CLIC5: variants seen among roughly 807,000 people sequenced by gnomAD.
CLIC5 encodes the protein CLIC family member 5.
CLIC5 carries 20 observed loss-of-function variants against 24.7 expected under a neutral mutation model. The ratio of observed to expected loss-of-function variants is 0.81; its 90% confidence interval spans 0.57 to 1.18. The LOEUF (loss-of-function observed/expected upper bound fraction) is 1.18, where lower values mean the gene tolerates loss of function less well. CLIC5 is among the 50% of genes most tolerant of loss of function. The pLI is 0.00. For synonymous variants in CLIC5, 159 were observed against 135.6 expected (o/e 1.17, Z -1.20); for missense variants, 341 against 326.1 (o/e 1.05, Z -0.35).
the CLIC5 span, among the ~76,000 whole-genome samples, chr6:46,102,358 T>C: frequency 3.3e-5 from 5 of 152,184 alleles, no homozygotes; most frequent in Non-Finnish European, 5.9e-5. Flanking sequence ...GTTCCTTCCT[T>C]CTGGGTGTGG....
intron 1 of CLIC5, among the ~76,000 whole-genome samples, chr6:45,998,725 C>T (rs1325030615): frequency 6.6e-6 from 1 of 152,160 alleles, no homozygotes; most frequent in African/African-American, 2.4e-5. Context: ...TCACTGAAGG[C>T]AGCTCCTCCA....
chr6:46,076,524 C>A (rs889894181), intron 1 of CLIC5, among the ~76,000 whole-genome samples: 2 of 152,058 alleles, frequency 1.3e-5, no homozygotes, highest in South Asian at 2.1e-4. Context: ...GTGATGTGGG[C>A]CATGCGCGAG....
intron 4 of CLIC5, 40 bp from the exon 5 acceptor site, chr6:45,914,449 TG>T: frequency 6.6e-7 from 1 of 1,525,844 alleles, no homozygotes; most frequent in Non-Finnish European, 8.9e-7. Context: ...TCAAACTTCT[TG>T]CCAGTGGATA....
At chr6:45,977,062 G>A (rs1765410304) in intron 1 of CLIC5, among the ~76,000 whole-genome samples, 1 of 152,094 alleles carries the variant, frequency 6.6e-6, no homozygotes. Flanking sequence ...AGAAAGTGGT[G>A]TTTAAACTAT....
At chr6:46,083,439 G>T (rs1762964937), upstream of CLIC5, among the ~76,000 whole-genome samples, 1 of 152,174 alleles carries the variant, frequency 6.6e-6, no homozygotes, top group African/African-American at 2.4e-5. Flanking sequence ...TCTACACACT[G>T]CTTTGAATGT....
chr6:46,129,607 T>A, the CLIC5 span: 1 of 152,244 alleles, frequency 6.6e-6, no homozygotes, highest in Admixed American at 6.5e-5. Context: ...GGCTGAAGCT[T>A]CTCCAGACTT....
chr6:46,007,045 T>A (rs987476368), intron 1 of CLIC5, among the ~76,000 whole-genome samples: 8 of 152,148 alleles, frequency 5.3e-5, no homozygotes, highest in African/African-American at 1.9e-4. Flanking sequence ...GGGAACCTCC[T>A]CCGTCACCTG....
Position 45,900,290 on chromosome 6 carries a change from C to T in CLIC5, c.*2798G>A, listed in dbSNP as rs986166287. 1 of 152,164 alleles carries T rather than the reference C, an allele frequency of 6.6e-6. No homozygotes were observed. Among genetic ancestry groups the T allele is most frequent in the Non-Finnish European group, 1.5e-5 (1 of 68,052 alleles). 9.4% of individuals were successfully genotyped at this position (152,164 alleles called of 1,614,324 possible). On this transcript the variant is annotated 3_prime_UTR_variant, in exon 6 of 6. Coordinates refer to ENST00000339561, the MANE Select transcript of CLIC5 (RefSeq NM_016929.5). ...TAAGATCTCAACACAAATACATCCCCTTTCTGTGCCACCAAAATGCTTTCT... is the reference window on the plus strand; with the variant it reads ...TAAGATCTCAACACAAATACATCCCTTTTCTGTGCCACCAAAATGCTTTCT...
chr6:45,993,205 T>C (rs1766005176), intron 1 of CLIC5, among the ~76,000 whole-genome samples: 1 of 152,216 alleles, frequency 6.6e-6, no homozygotes, highest in South Asian at 2.1e-4. Flanking sequence ...AAACATCTAA[T>C]TGTTCATAAG....
intron 5 of CLIC5, chr6:45,911,896 G>C: frequency 2.0e-6 from 2 of 985,556 alleles, no homozygotes; most frequent in Non-Finnish European, 2.4e-6. Context: ...TTTGGGAGAT[G>C]AGAACTAGGA....
At chr6:45,991,279 C>T (rs1004591935) in intron 1 of CLIC5, among the ~76,000 whole-genome samples, 1 of 152,194 alleles carries the variant, frequency 6.6e-6, no homozygotes, top group African/African-American at 2.4e-5. Flanking sequence ...GAGATTCTTG[C>T]TAGTCCTAAA....
the CLIC5 span, among the ~76,000 whole-genome samples, chr6:46,106,666 C>A: frequency 6.6e-6 from 1 of 152,170 alleles, no homozygotes; most frequent in Non-Finnish European, 1.5e-5. Context: ...TTCCTCTAGG[C>A]CCATCTGCAT....
At chr6:45,932,663 T>C (rs116195372) in intron 4 of CLIC5, 2 of 152,108 alleles carry the variant, frequency 1.3e-5, no homozygotes, top group Non-Finnish European at 2.9e-5. Context: ...ACACAAACCA[T>C]GAAAACCTGG....
At chr6:45,959,684 G>T (rs981918096) in intron 1 of CLIC5, among the ~76,000 whole-genome samples, 1 of 152,128 alleles carries the variant, frequency 6.6e-6, no homozygotes, top group African/African-American at 2.4e-5. Context: ...TGGTGTGTCA[G>T]CCAGTTGCTC....
chr6:45,998,378 C>T (rs1766228410), intron 1 of CLIC5, among the ~76,000 whole-genome samples: 1 of 152,058 alleles, frequency 6.6e-6, no homozygotes, highest in African/African-American at 2.4e-5. Flanking sequence ...CAGTAAATAT[C>T]AAGGGAATGA....
At chr6:46,016,192 GAA>G, upstream of CLIC5, among the ~76,000 whole-genome samples, 2 of 121,302 alleles carry the variant, frequency 1.6e-5, no homozygotes, top group African/African-American at 3.1e-5. Flanking sequence ...AGAGGAAGGG[GAA>G]AGGGGAAGGG....
At chr6:45,921,526 T>C (rs1263618096) in intron 4 of CLIC5, among the ~76,000 whole-genome samples, 3 of 152,140 alleles carry the variant, frequency 2.0e-5, no homozygotes, top group Admixed American at 2.0e-4. Context: ...GAGACTTGAT[T>C]AAAGTTAACT....
intron 1 of CLIC5, among the ~76,000 whole-genome samples, chr6:45,986,784 C>G (rs1275576073): frequency 6.6e-6 from 1 of 152,184 alleles, no homozygotes; most frequent in African/African-American, 2.4e-5. Context: ...ATCTCCCCTG[C>G]ATTCCACAAG....
At chr6:45,994,606 C>T (rs1395564168) in intron 1 of CLIC5, among the ~76,000 whole-genome samples, 1 of 151,906 alleles carries the variant, frequency 6.6e-6, no homozygotes, top group South Asian at 2.1e-4. Context: ...TATCCCGGGA[C>T]TTAAAGTAAA....
Sources: allele counts gnomAD v4.1 joint callset (sites outside exome capture counted in the v4.1 genomes callset), GRCh38; gene constraint gnomAD v4.1.1; transcripts MANE v1.5; gene names NCBI Gene and HGNC (gene_info 2026-07-23, HGNC 2026-07-21).